The following ANXA4 variants were observed in gnomAD, a reference collection of about 807,000 sequenced individuals.
The protein encoded by ANXA4 is annexin A4.
ANXA4 carries 39 observed loss-of-function variants against 49.8 expected under a neutral mutation model. The observed-to-expected ratio is 0.78, with a 90% confidence interval of 0.61 to 1.02. ANXA4 has a LOEUF of 1.02. Among genes scored for constraint, ANXA4 ranks in the 50% least tolerant of loss-of-function variants. The pLI, the probability that ANXA4 is intolerant of heterozygous loss-of-function variation, is 0.00. For missense variants in ANXA4, 360 were observed against 410.1 expected (o/e 0.88, Z 1.05); for synonymous variants, 134 against 152.5 (o/e 0.88, Z 0.89).
chr2:69,695,598 G>C (rs766410169), intron 2 of ANXA4, among the ~76,000 whole-genome samples: 26 of 152,194 alleles, frequency 1.7e-4, no homozygotes, highest in Non-Finnish European at 3.2e-4. Flanking sequence ...AACCACGCTG[G>C]GGAGAGCTGG....
intron 1 of ANXA4, among the ~76,000 whole-genome samples, chr2:69,751,072 T>A (rs1670821840): frequency 6.6e-6 from 1 of 152,156 alleles, no homozygotes; most frequent in Non-Finnish European, 1.5e-5. Flanking sequence ...ATTAGGTGGG[T>A]ACTAGTATTA....
At chr2:69,644,380 T>A (rs1418003484), upstream of ANXA4, 4 of 152,118 alleles carry the variant, frequency 2.6e-5, no homozygotes, top group Non-Finnish European at 5.9e-5. Flanking sequence ...ATCGGGAACA[T>A]TGTGCTGGCA....
At position 69,826,487 on chromosome 2, in the gene ANXA4, A is replaced by T. The variant is rs35690619; in HGVS notation, c.*972A>T. ...GAACGTGGAAAAATAATTTTAATTT[A>T]AAAATGGTGTTTTTAGGCCGGGGGC... is the stretch of plus-strand genomic sequence containing the variant. On this transcript the variant is annotated 3_prime_UTR_variant, in exon 13 of 13. Coordinates refer to ENST00000394295, the MANE Select transcript of ANXA4 (RefSeq NM_001153.5). 0.18 allele frequency: 27,430 copies of T among 152,362 alleles called. 2,985 individuals carry two copies. Among genetic ancestry groups the T allele is most frequent in the East Asian group, 0.26 (1,328 of 5,186 alleles). The allele number at this position is 152,362 out of a possible 1,614,324, so 9.4% of individuals were successfully genotyped here.
intron 2 of ANXA4, among the ~76,000 whole-genome samples, chr2:69,659,042 C>A (rs1676614175): frequency 6.6e-6 from 1 of 152,152 alleles, no homozygotes; most frequent in Admixed American, 6.5e-5. Context: ...AGGTTTTGCT[C>A]ATTTAATTTA....
chr2:69,796,349 T>A (rs1403718622), intron 3 of ANXA4, among the ~76,000 whole-genome samples: 2 of 152,154 alleles, frequency 1.3e-5, no homozygotes, highest in African/African-American at 4.8e-5. Context: ...CTCCTGGGGC[T>A]CCTCCCAGTC....
intron 2 of ANXA4, among the ~76,000 whole-genome samples, chr2:69,719,260 CTTTT>C (rs1192269262): frequency 1.5e-5 from 1 of 66,546 alleles, no homozygotes; most frequent in Non-Finnish European, 2.6e-5. Context: ...ATTTTCCAGT[CTTTT>C]TTTTTTTTTT....
At chr2:69,806,338 T>C (rs1161070206) in intron 4 of ANXA4, 47 bp from the exon 5 acceptor site, 1 of 1,380,204 alleles carries the variant, frequency 7.2e-7, no homozygotes, top group Non-Finnish European at 1.0e-6. Context: ...GAGTAGCTGG[T>C]CTAATTTGCT....
intron 2 of ANXA4, among the ~76,000 whole-genome samples, chr2:69,708,998 A>G (rs6546543): frequency 0.073 from 11,104 of 152,242 alleles, 1,375 homozygotes; most frequent in African/African-American, 0.25. Context: ...CAGCAAACAT[A>G]TATAGTGTGT....
At chr2:69,656,403 A>G (rs1433321164) in intron 2 of ANXA4, among the ~76,000 whole-genome samples, 13 of 113,612 alleles carry the variant, frequency 1.1e-4, no homozygotes, top group African/African-American at 3.5e-4. Flanking sequence ...ATATATATGT[A>G]TATATATGTA....
chr2:69,762,926 C>G (rs1041846734), intron 1 of ANXA4, among the ~76,000 whole-genome samples: 1 of 152,154 alleles, frequency 6.6e-6, no homozygotes, highest in Non-Finnish European at 1.5e-5. Flanking sequence ...CTCCATCTGC[C>G]GTAAGTCCGT....
intron 1 of ANXA4, among the ~76,000 whole-genome samples, chr2:69,753,927 A>T (rs1407827972): frequency 1.3e-5 from 2 of 152,226 alleles, no homozygotes; most frequent in Non-Finnish European, 2.9e-5. Context: ...ACCAGCTCTC[A>T]TAGGTGGGGT....
chr2:69,781,880 A>G, intron 2 of ANXA4, among the ~76,000 whole-genome samples: 1 of 152,328 alleles, frequency 6.6e-6, no homozygotes, highest in Non-Finnish European at 1.5e-5. Context: ...ACATTTAAAA[A>G]GGAAAAACTA....
chr2:69,797,307 C>T (rs2103767638), intron 3 of ANXA4, among the ~76,000 whole-genome samples: 1 of 152,230 alleles, frequency 6.6e-6, no homozygotes, highest in South Asian at 2.1e-4. Context: ...CCCCGGGTCC[C>T]AGCACCATAG....
chr2:69,681,905 T>C (rs906188603), intron 2 of ANXA4, among the ~76,000 whole-genome samples: 8 of 152,082 alleles, frequency 5.3e-5, no homozygotes, highest in African/African-American at 1.7e-4. Context: ...GGCTCTATGA[T>C]GGCTTATTCC....
At chr2:69,650,148 C>T (rs1158566713) in intron 1 of ANXA4, among the ~76,000 whole-genome samples, 1 of 151,982 alleles carries the variant, frequency 6.6e-6, no homozygotes, top group Admixed American at 6.6e-5. Context: ...GTTGGCCAGG[C>T]TGGTCTTGAA....
intron 3 of ANXA4, among the ~76,000 whole-genome samples, chr2:69,721,675 G>A (rs1669814663): frequency 2.6e-5 from 4 of 151,948 alleles, no homozygotes. Context: ...TTCCAGCCTG[G>A]GCAACAGAGT....
intron 2 of ANXA4, among the ~76,000 whole-genome samples, chr2:69,786,156 C>A (rs1672405389): frequency 6.6e-6 from 1 of 152,216 alleles, no homozygotes; most frequent in Non-Finnish European, 1.5e-5. Context: ...CACTCTGAAT[C>A]TGGTAGTCTT....
rs901626486 is a variant in ANXA4 at position 69,826,145 on chromosome 2, C to A, written c.*630C>A. The A allele has an allele frequency of 6.6e-6, 1 of 152,536 alleles. No homozygotes were observed. The highest frequency in any genetic ancestry group is 6.5e-5 in the Admixed American group (1 of 15,272). The allele number at this position is 152,536 out of a possible 1,614,324, so 9.4% of individuals were successfully genotyped here. ...GTATACCAAAACCAATTTATCTGAA[C>A]TAAATTCTAAAGTATGGTTATACAA... On this transcript the variant is annotated 3_prime_UTR_variant, in exon 13 of 13. Coordinates refer to ENST00000394295, the MANE Select transcript of ANXA4 (RefSeq NM_001153.5).
At chr2:69,656,683 G>A (rs1676511936) in intron 2 of ANXA4, among the ~76,000 whole-genome samples, 1 of 150,656 alleles carries the variant, frequency 6.6e-6, no homozygotes, top group African/African-American at 2.4e-5. Context: ...CTGAGTAACT[G>A]AGACTACAGG....
Sources: allele counts gnomAD v4.1 joint callset (sites outside exome capture counted in the v4.1 genomes callset), GRCh38; gene constraint gnomAD v4.1.1; transcripts MANE v1.5; gene names NCBI Gene and HGNC (gene_info 2026-07-23, HGNC 2026-07-21).